DAB1: variants seen among roughly 807,000 people sequenced by gnomAD.
DAB1 encodes the protein disabled homolog 1.
Under a neutral mutation model 64.6 loss-of-function variants are expected in DAB1, and 15 were observed. That is an observed-to-expected ratio of 0.23 (90% CI 0.16 to 0.36). The LOEUF is 0.36. Ranked by LOEUF, DAB1 falls within the 10% of genes least tolerant of loss-of-function variation. The pLI is 1.00. For synonymous variants in DAB1, 235 were observed against 251.9 expected (o/e 0.93, Z 0.64); for missense variants, 596 against 706.7 (o/e 0.84, Z 1.78).
intron 5 of DAB1, among the ~76,000 whole-genome samples, chr1:58,018,693 G>A (rs1646776853): frequency 6.6e-6 from 1 of 152,110 alleles, no homozygotes; most frequent in Non-Finnish European, 1.5e-5. Flanking sequence ...CACTTTTCTG[G>A]AATCGAAAGG....
At chr1:58,468,634 G>C (rs1645321429) in intron 3 of DAB1, 1 of 152,380 alleles carries the variant, frequency 6.6e-6, no homozygotes, top group African/African-American at 2.4e-5. Context: ...AGAGCCTTCA[G>C]ACCATGATGT....
chr1:58,342,777 C>T (rs1372194055), intron 4 of DAB1, among the ~76,000 whole-genome samples: 2 of 152,098 alleles, frequency 1.3e-5, no homozygotes, highest in Non-Finnish European at 2.9e-5. Context: ...CCTTTTTAAT[C>T]TCTCCAACTT....
At chr1:58,337,099 T>A (rs1295186148) in intron 4 of DAB1, among the ~76,000 whole-genome samples, 1 of 151,916 alleles carries the variant, frequency 6.6e-6, no homozygotes, top group Non-Finnish European at 1.5e-5. Flanking sequence ...CTGGCCAACA[T>A]GACGAAACCC....
At chr1:58,372,263 T>C (rs780916353) in intron 3 of DAB1, among the ~76,000 whole-genome samples, 5 of 152,210 alleles carry the variant, frequency 3.3e-5, no homozygotes, top group African/African-American at 9.6e-5. Flanking sequence ...ACACATGGAA[T>C]CAAAAGAAGA....
chr1:57,642,628 C>T (rs1356393485), intron 7 of DAB1, among the ~76,000 whole-genome samples: 1 of 152,198 alleles, frequency 6.6e-6, no homozygotes, highest in East Asian at 1.9e-4. Context: ...ATTCACGTTA[C>T]AACTCCATCC....
chr1:58,130,325 T>G (rs2100693172), intron 5 of DAB1, among the ~76,000 whole-genome samples: 1 of 145,374 alleles, frequency 6.9e-6, no homozygotes, highest in Non-Finnish European at 1.5e-5. Context: ...TCTTCCTCCA[T>G]CCTTTTATTT....
intron 1 of DAB1, among the ~76,000 whole-genome samples, chr1:57,410,152 G>A (rs1683993322): frequency 6.6e-6 from 1 of 152,164 alleles, no homozygotes; most frequent in African/African-American, 2.4e-5. Context: ...AAAAAGCACA[G>A]TTTGGGAATA....
chr1:57,311,442 G>GA (rs5774336), intron 1 of DAB1, among the ~76,000 whole-genome samples: 9 of 150,142 alleles, frequency 6.0e-5, no homozygotes, highest in East Asian at 2.0e-4. Context: ...AAAATGAAAA[G>GA]AAAAAAAAAA....
chr1:58,241,401 T>C, intron 4 of DAB1, among the ~76,000 whole-genome samples: 1 of 151,982 alleles, frequency 6.6e-6, no homozygotes, highest in East Asian at 1.9e-4. Context: ...GAACCATTTA[T>C]TCTGTACCTA....
intron 9 of DAB1, chr1:57,033,508 G>T: frequency 6.2e-7 from 1 of 1,612,746 alleles, no homozygotes; most frequent in Non-Finnish European, 8.5e-7. Context: ...AACCAGAGAG[G>T]GCTGTAATTC....
intron 6 of DAB1, among the ~76,000 whole-genome samples, chr1:57,745,556 C>T (rs1039932330): frequency 6.6e-6 from 1 of 152,144 alleles, no homozygotes; most frequent in Non-Finnish European, 1.5e-5. Flanking sequence ...ACTGACCTAC[C>T]TCCCCACCTT....
At chr1:57,532,086 T>A (rs1434976257) in intron 7 of DAB1, among the ~76,000 whole-genome samples, 1 of 152,184 alleles carries the variant, frequency 6.6e-6, no homozygotes, top group Non-Finnish European at 1.5e-5. Flanking sequence ...AAATTCCAGA[T>A]AATTTAACAG....
rs761092191 is a variant in DAB1 at position 57,448,002 on chromosome 1, G to T, written n.626-156836C>A. Among the ~76,000 whole-genome samples, 117 of 152,152 alleles carry T rather than the reference G, an allele frequency of 7.7e-4. 1 individual carries two copies. Among genetic ancestry groups the T allele is most frequent in the Non-Finnish European group, 7.6e-4 (52 of 67,994 alleles). On this transcript the variant is annotated intron_variant and non_coding_transcript_variant, in intron 7 of 20. Coordinates refer to the DAB1 transcript ENST00000485760. ...GGCAAATAAATAAATTAATAAATAG[G>T]GAACAAATTGTTCCTATAACCCGTC...
chr1:58,118,613 TA>T (rs1652539237), intron 5 of DAB1, among the ~76,000 whole-genome samples: 1 of 135,634 alleles, frequency 7.4e-6, no homozygotes, highest in Non-Finnish European at 1.6e-5. Context: ...TATATACATA[TA>T]TATATATAAA....
intron 6 of DAB1, among the ~76,000 whole-genome samples, chr1:57,734,582 T>G (rs1263918051): frequency 6.6e-6 from 1 of 152,204 alleles, no homozygotes; most frequent in East Asian, 1.9e-4. Flanking sequence ...TCATAATACC[T>G]TTTTTACCTT....
At chr1:57,026,246 G>A (rs1477485544) in intron 9 of DAB1, among the ~76,000 whole-genome samples, 1 of 152,076 alleles carries the variant, frequency 6.6e-6, no homozygotes, top group Admixed American at 6.5e-5. Context: ...TTGCTTCCTT[G>A]CATCTGGCTA....
chr1:57,295,233 A>C (rs1673092197), intron 1 of DAB1, among the ~76,000 whole-genome samples: 1 of 152,180 alleles, frequency 6.6e-6, no homozygotes, highest in Non-Finnish European at 1.5e-5. Flanking sequence ...TTTCACCAGA[A>C]TTAGGAAAAC....
intron 3 of DAB1, among the ~76,000 whole-genome samples, chr1:58,458,908 G>C (rs998231502): frequency 6.6e-6 from 1 of 152,074 alleles, no homozygotes; most frequent in Non-Finnish European, 1.5e-5. Flanking sequence ...ACCTCTCTGA[G>C]CCTCAGTTTC....
intron 5 of DAB1, among the ~76,000 whole-genome samples, chr1:57,938,157 G>C: frequency 6.6e-6 from 1 of 152,194 alleles, no homozygotes; most frequent in East Asian, 1.9e-4. Context: ...AGCCCTTGCT[G>C]GGTGTGTAAC....
Sources: gnomAD v4.1 joint callset for allele counts (sites outside exome capture counted in the v4.1 genomes callset) on GRCh38, gnomAD v4.1.1 for gene constraint, MANE v1.5 for transcripts, NCBI Gene and HGNC (gene_info 2026-07-23, HGNC 2026-07-21) for gene names.